CTCF: variants seen among roughly 807,000 people sequenced by gnomAD.
The protein encoded by CTCF is CCCTC-binding factor, also known as transcriptional repressor CTCF.
In CTCF, 7 loss-of-function variants were observed where a neutral mutation model predicts 72.3. The observed-to-expected ratio is 0.10, with a 90% confidence interval of 0.06 to 0.18. The LOEUF (loss-of-function observed/expected upper bound fraction) is 0.18, where lower values mean the gene tolerates loss of function less well. Among genes scored for constraint, CTCF ranks in the 10% least tolerant of loss-of-function variants. The pLI is 1.00. For synonymous variants in CTCF, 374 were observed against 315.8 expected, an observed-to-expected ratio of 1.18 and a Z score of -1.95; for missense variants, 516 against 949.1, an observed-to-expected ratio of 0.54 and a Z score of 6.00.
chr16:67,626,912 C>G (rs1401810671), intron 8 of CTCF, 197 bp downstream of exon 8: 6 of 393,578 alleles, frequency 1.5e-5, no homozygotes, highest in Non-Finnish European at 2.7e-5. Context: ...TTTATTCAGT[C>G]ACAGCTTACC....
intron 2 of CTCF, among the ~76,000 whole-genome samples, chr16:67,604,489 T>A (rs1226755897): frequency 6.6e-6 from 1 of 151,870 alleles, no homozygotes; most frequent in East Asian, 1.9e-4. Flanking sequence ...ACTATAGGCA[T>A]CCGCCACCAC....
intron 2 of CTCF, among the ~76,000 whole-genome samples, chr16:67,588,054 C>G (rs370689822): frequency 6.6e-6 from 1 of 152,164 alleles, no homozygotes; most frequent in South Asian, 2.1e-4. Flanking sequence ...GACGGGGTTT[C>G]ACCATGTTGG....
At chr16:67,570,195 GTC>G (rs2051396992) in intron 1 of CTCF, among the ~76,000 whole-genome samples, 1 of 148,182 alleles carries the variant, frequency 6.7e-6, no homozygotes, top group South Asian at 2.1e-4. Context: ...TCCTGCCTCA[GTC>G]TCCTGAGTAG....
chr16:67,607,111 C>G (rs1356607326), intron 2 of CTCF, among the ~76,000 whole-genome samples: 1 of 151,332 alleles, frequency 6.6e-6, no homozygotes, highest in African/African-American at 2.4e-5. Context: ...CATGTGCCAC[C>G]ACACCTGGCT....
chr16:67,575,071 T>C (rs903391179), intron 2 of CTCF, among the ~76,000 whole-genome samples: 3 of 152,062 alleles, frequency 2.0e-5, no homozygotes, highest in African/African-American at 7.2e-5. Context: ...TCCTTGTGGA[T>C]AGAGGAAAAA....
At chr16:67,565,808 AAAGTACACACGC>A (rs2142700806) in intron 1 of CTCF, among the ~76,000 whole-genome samples, 1 of 152,306 alleles carries the variant, frequency 6.6e-6, no homozygotes, top group African/African-American at 2.4e-5. Flanking sequence ...ATTTTATTTT[AAAGTACACACGC>A]AAATGGGGGC....
intron 7 of CTCF, among the ~76,000 whole-genome samples, chr16:67,625,679 G>C (rs1296871758): frequency 1.3e-5 from 2 of 152,114 alleles, no homozygotes; most frequent in Non-Finnish European, 2.9e-5. Flanking sequence ...TCCTACTCCA[G>C]ATCTTTCTTT....
At chr16:67,590,740 T>C (rs758588649) in intron 2 of CTCF, among the ~76,000 whole-genome samples, 1 of 151,692 alleles carries the variant, frequency 6.6e-6, no homozygotes, top group Non-Finnish European at 1.5e-5. Flanking sequence ...GTGGATCAGC[T>C]GAGGTCAGAA....
intron 10 of CTCF, 24 bp downstream of exon 10, chr16:67,629,557 GCTTA>G: frequency 6.2e-7 from 1 of 1,609,986 alleles, no homozygotes; most frequent in East Asian, 2.2e-5. Flanking sequence ...TCCTTGATTT[GCTTA>G]CTATGGCAGG....
chr16:67,637,798 G>A lies in CTCF; in HGVS notation c.2110G>A (p.Ala704Thr). The A allele has an allele frequency of 1.9e-6, 3 of 1,613,008 alleles. No homozygotes were observed. The highest frequency in any genetic ancestry group is 2.5e-6 in the Non-Finnish European group (3 of 1,180,030). The part of the protein sequence containing the change: ...AEPAEGEEEE[A>T]QPAATDAPNG... ...GCCCGCAGAGGGAGAGGAAGAGGAG[G>A]CCCAGCCAGCTGCCACAGATGCCCC... Residue 704 changes from alanine to threonine, a missense_variant, in exon 12 of 12, where the codon GCC becomes ACC. This residue lies in a region of CTCF where 157 missense variants were observed against 172.9 expected (regional missense o/e 0.91). Transcript: ENST00000264010.
Position 67,629,456 on chromosome 16 carries a change from A to T in CTCF, c.1760A>T (p.Asn587Ile), listed in dbSNP as rs2052333416. 6.2e-7 allele frequency: 1 copy of T among 1,613,176 alleles called. No individual in the cohort carries two copies. Among genetic ancestry groups the T allele is most frequent in the Non-Finnish European group, 8.5e-7 (1 of 1,179,710 alleles). The change falls in exon 10 of 12, where the codon AAT becomes ATT. Residue 587 changes from asparagine to isoleucine, a missense_variant. Physicochemically the swap from Asn to Ile is moderately radical, Grantham distance 149. This residue lies in a region of CTCF where 157 missense variants were observed against 172.9 expected (regional missense o/e 0.91). Transcript: ENST00000264010. ...CAGPDGVEGE[N>I]GGETKKSKRG... The stretch of plus-strand genomic sequence containing the variant: ...GGCCCAGATGGCGTAGAGGGGGAAA[A>T]TGGAGGAGAAACGAAGAAGAGTAAA...
At chr16:67,603,542 A>AT (rs994595312) in intron 2 of CTCF, among the ~76,000 whole-genome samples, 1 of 150,642 alleles carries the variant, frequency 6.6e-6, no homozygotes, top group Non-Finnish European at 1.5e-5. Flanking sequence ...CAAAAAAAAA[A>AT]GGCTGGGTGT....
chr16:67,611,947 A>T lies in CTCF; in HGVS notation c.782-4A>T. 1 of 1,613,556 alleles carries T rather than the reference A, an allele frequency of 6.2e-7. No individual in the cohort carries two copies. The highest frequency in any genetic ancestry group is 8.5e-7 in the Non-Finnish European group (1 of 1,179,460). ...AGCAAGTAAGTGTTTTATTTTGCAC[A>T]TAGGTGTAAAGAAGACATTCCAGTG... On this transcript the variant is annotated splice_polypyrimidine_tract_variant and splice_region_variant and intron_variant, in intron 3 of 11. Transcript: ENST00000264010.
At chr16:67,599,228 C>T (rs528623150) in intron 2 of CTCF, among the ~76,000 whole-genome samples, 2 of 152,240 alleles carry the variant, frequency 1.3e-5, no homozygotes, top group African/African-American at 4.8e-5. Context: ...AACCTCGTCT[C>T]TAGTAAAAAT....
intron 2 of CTCF, among the ~76,000 whole-genome samples, chr16:67,573,606 G>A (rs561884818): frequency 3.3e-5 from 5 of 152,294 alleles, no homozygotes; most frequent in South Asian, 4.1e-4. Flanking sequence ...TGTTTGAGAA[G>A]CAATACATTT....
intron 2 of CTCF, among the ~76,000 whole-genome samples, chr16:67,602,980 C>T (rs2051917397): frequency 6.6e-6 from 1 of 152,092 alleles, no homozygotes; most frequent in African/African-American, 2.4e-5. Flanking sequence ...TGCTGCTGGT[C>T]CTCAGACCAT....
At chr16:67,632,776 A>G (rs930927714) in intron 10 of CTCF, among the ~76,000 whole-genome samples, 1 of 152,184 alleles carries the variant, frequency 6.6e-6, no homozygotes, top group Non-Finnish European at 1.5e-5. Context: ...ACCTATCTAT[A>G]TATTCCCCAC....
At chr16:67,628,830 G>A (rs1272226273) in intron 9 of CTCF, among the ~76,000 whole-genome samples, 1 of 152,208 alleles carries the variant, frequency 6.6e-6, no homozygotes, top group Non-Finnish European at 1.5e-5. Context: ...GGAGGCCAAG[G>A]TGGGTGGATC....
chr16:67,632,409 G>A (rs2052377568), intron 10 of CTCF, among the ~76,000 whole-genome samples: 1 of 152,190 alleles, frequency 6.6e-6, no homozygotes, highest in African/African-American at 2.4e-5. Flanking sequence ...GGTTAGTAGA[G>A]CATGGAATTT....
Sources: allele counts gnomAD v4.1 joint callset (sites outside exome capture counted in the v4.1 genomes callset), GRCh38; gene constraint gnomAD v4.1.1; regional missense constraint gnomAD v4.1.1; transcripts MANE v1.5; gene names NCBI Gene and HGNC (gene_info 2026-07-23, HGNC 2026-07-21).